Variants in MAML2 observed in about 807,000 individuals in gnomAD.
MAML2 encodes mastermind-like protein 2.
Under a neutral mutation model 96.1 loss-of-function variants are expected in MAML2, and 22 were observed. The ratio of observed to expected loss-of-function variants is 0.23; its 90% CI spans 0.16 to 0.33. The LOEUF is 0.33. Among genes scored for constraint, MAML2 ranks in the 10% least tolerant of loss-of-function variants. The pLI, the probability that MAML2 is intolerant of heterozygous loss-of-function variation, is 1.00. For synonymous variants in MAML2, 561 were observed against 521.3 expected, an observed-to-expected ratio of 1.08 and a Z score of -1.04; for missense variants, 1,367 against 1,392.4, an observed-to-expected ratio of 0.98 and a Z score of 0.29.
chr11:96,005,419 A>G (rs1858163481), intron 2 of MAML2, among the ~76,000 whole-genome samples: 1 of 152,178 alleles, frequency 6.6e-6, no homozygotes, highest in African/African-American at 2.4e-5. Context: ...TCTCAATTCC[A>G]CTCTAGTGCT....
intron 1 of MAML2, among the ~76,000 whole-genome samples, chr11:96,232,603 G>T (rs1862310509): frequency 6.6e-6 from 1 of 152,154 alleles, no homozygotes; most frequent in African/African-American, 2.4e-5. Context: ...CCGAGTAGCT[G>T]GGACTACAGG....
At chr11:96,104,364 A>C (rs1222427946) in intron 1 of MAML2, among the ~76,000 whole-genome samples, 1 of 152,194 alleles carries the variant, frequency 6.6e-6, no homozygotes, top group Non-Finnish European at 1.5e-5. Context: ...ATGATGATAA[A>C]TTTTTCTCTT....
chr11:95,993,989 G>A (rs1449825039), intron 2 of MAML2, among the ~76,000 whole-genome samples: 1 of 152,206 alleles, frequency 6.6e-6, no homozygotes, highest in East Asian at 1.9e-4. Flanking sequence ...ATAGCTGTAA[G>A]TGGCCGAGGA....
At chr11:96,066,289 C>A (rs1255129383) in intron 2 of MAML2, among the ~76,000 whole-genome samples, 1 of 152,166 alleles carries the variant, frequency 6.6e-6, no homozygotes, top group Non-Finnish European at 1.5e-5. Flanking sequence ...AAATGACTCA[C>A]TGGGGCTGGC....
intron 1 of MAML2, among the ~76,000 whole-genome samples, chr11:96,146,352 C>T (rs367568106): frequency 5.3e-5 from 8 of 152,136 alleles, no homozygotes; most frequent in African/African-American, 1.9e-4. Context: ...GCCAGTCTGG[C>T]TATATGTACT....
chr11:96,077,949 G>A (rs1158710615), intron 2 of MAML2, among the ~76,000 whole-genome samples: 1 of 152,158 alleles, frequency 6.6e-6, no homozygotes, highest in African/African-American at 2.4e-5. Flanking sequence ...AGAACCCCTG[G>A]GAATGAAGAG....
At chr11:96,043,028 G>A (rs766630396) in intron 2 of MAML2, among the ~76,000 whole-genome samples, 4 of 152,176 alleles carry the variant, frequency 2.6e-5, no homozygotes, top group Non-Finnish European at 5.9e-5. Context: ...TTACAGGCAT[G>A]AGCCACCACC....
chr11:96,224,237 T>C (rs898712156), intron 1 of MAML2, among the ~76,000 whole-genome samples: 1 of 152,226 alleles, frequency 6.6e-6, no homozygotes, highest in Non-Finnish European at 1.5e-5. Context: ...AGTAGTACAA[T>C]GATCCACATT....
intron 2 of MAML2, among the ~76,000 whole-genome samples, chr11:96,016,331 A>G (rs964652731): frequency 6.6e-6 from 1 of 152,084 alleles, no homozygotes; most frequent in African/African-American, 2.4e-5. Flanking sequence ...GGGAGGGGAG[A>G]GAAAGACTAG....
intron 2 of MAML2, among the ~76,000 whole-genome samples, chr11:96,035,044 A>C (rs781510729): frequency 2.0e-5 from 3 of 152,252 alleles, no homozygotes; most frequent in Admixed American, 6.5e-5. Flanking sequence ...GGACAGACTA[A>C]TATAATTACT....
At chr11:96,004,579 A>G (rs1430870483) in intron 2 of MAML2, among the ~76,000 whole-genome samples, 3 of 152,182 alleles carry the variant, frequency 2.0e-5, no homozygotes, top group Non-Finnish European at 2.9e-5. Flanking sequence ...CACATGTCTC[A>G]TGTGATATCC....
intron 1 of MAML2, among the ~76,000 whole-genome samples, chr11:96,340,400 C>G (rs1224973122): frequency 6.6e-6 from 1 of 152,198 alleles, no homozygotes; most frequent in Non-Finnish European, 1.5e-5. Context: ...GGGCAGGGTT[C>G]TACCTTCCAC....
chr11:96,177,822 T>C (rs972219217), intron 1 of MAML2, among the ~76,000 whole-genome samples: 54 of 152,090 alleles, frequency 3.6e-4, no homozygotes, highest in African/African-American at 1.3e-3. Context: ...AGTTTGGGAA[T>C]AATTAATTTC....
chr11:96,187,530 C>G (rs1319638881), intron 1 of MAML2, among the ~76,000 whole-genome samples: 2 of 152,130 alleles, frequency 1.3e-5, no homozygotes, highest in South Asian at 4.1e-4. Context: ...TTAAACAGGC[C>G]GGGTGCGGTG....
chr11:96,250,828 T>C (rs1003291319), intron 1 of MAML2, among the ~76,000 whole-genome samples: 1 of 152,204 alleles, frequency 6.6e-6, no homozygotes, highest in African/African-American at 2.4e-5. Flanking sequence ...TAGTAACTTA[T>C]TTGGTGATAA....
At position 96,313,152 on chromosome 11, in the gene MAML2, C is replaced by T. The variant is rs139648406; in HGVS notation, c.513+28231G>A. ...TGCACATGTGAAGGAAACTGAGGTG[C>T]GGAGGTTAAATAGATTGCTAAGATC... On this transcript the variant is annotated intron_variant, in intron 1 of 4. Coordinates refer to ENST00000524717, the MANE Select transcript of MAML2 (RefSeq NM_032427.4). Among the ~76,000 whole-genome samples, 42 of 152,266 alleles carry T rather than the reference C, an allele frequency of 2.8e-4. No homozygotes were observed. In the East Asian group the frequency reaches 6.2e-3, roughly 22 times the overall value.
intron 2 of MAML2, among the ~76,000 whole-genome samples, chr11:96,025,404 G>A (rs781618754): frequency 6.6e-6 from 1 of 152,036 alleles, no homozygotes; most frequent in African/African-American, 2.4e-5. Context: ...ACTGGGGGAG[G>A]GGGGAGGTGG....
intron 2 of MAML2, among the ~76,000 whole-genome samples, chr11:96,007,122 C>T (rs1006743122): frequency 6.6e-5 from 10 of 151,828 alleles, no homozygotes; most frequent in African/African-American, 2.4e-4. Flanking sequence ...CCTGCCTCAG[C>T]CTCCAGAGTA....
chr11:96,298,615 T>G (rs1354648816), intron 1 of MAML2, among the ~76,000 whole-genome samples: 2 of 151,890 alleles, frequency 1.3e-5, no homozygotes, highest in African/African-American at 4.8e-5. Flanking sequence ...CTGCTCTGCG[T>G]TAGGCATTGT....
Sources: gnomAD v4.1 joint callset for allele counts (sites outside exome capture counted in the v4.1 genomes callset) on GRCh38, gnomAD v4.1.1 for gene constraint, MANE v1.5 for transcripts, NCBI Gene and HGNC (gene_info 2026-07-23, HGNC 2026-07-21) for gene names.